Variants in NAALADL2 observed in about 807,000 individuals in gnomAD.
NAALADL2 encodes the protein N-acetylated alpha-linked acidic dipeptidase like 2, also known as inactive N-acetylated-alpha-linked acidic dipeptidase-like protein 2.
Under a neutral mutation model 87.2 loss-of-function variants are expected in NAALADL2, and 76 were observed. The ratio of observed to expected loss-of-function variants is 0.87; its 90% CI spans 0.72 to 1.05. NAALADL2 has a LOEUF of 1.05. Among genes scored for constraint, NAALADL2 ranks in the 50% least tolerant of loss-of-function variants. NAALADL2 has a pLI of 0.00. For missense variants in NAALADL2, 1,089 were observed against 945.8 expected (o/e 1.15, Z -1.99); for synonymous variants, 354 against 331.0 (o/e 1.07, Z -0.75).
chr3:175,290,032 A>G (rs6771601), intron 4 of NAALADL2, among the ~76,000 whole-genome samples: 115,253 of 152,118 alleles, frequency 0.76, 44,229 homozygotes, highest in Non-Finnish European at 0.79. Context: ...AGACATCACT[A>G]TAAATCTATC....
chr3:174,733,383 G>A (rs187318885), intron 2 of NAALADL2, among the ~76,000 whole-genome samples: 5 of 152,294 alleles, frequency 3.3e-5, no homozygotes, highest in Admixed American at 1.3e-4. Context: ...TCAGTCAAAG[G>A]CATTATGTTA....
At chr3:175,179,094 C>G (rs1239784799) in intron 2 of NAALADL2, among the ~76,000 whole-genome samples, 1 of 151,968 alleles carries the variant, frequency 6.6e-6, no homozygotes, top group Admixed American at 6.6e-5. Context: ...TTACATTTTT[C>G]TTGAGAGCTT....
chr3:174,514,716 C>A (rs1719814813), intron 1 of NAALADL2, among the ~76,000 whole-genome samples: 1 of 151,746 alleles, frequency 6.6e-6, no homozygotes, highest in South Asian at 2.1e-4. Context: ...AAATTTTTTT[C>A]TATTTTTCTT....
At chr3:175,754,791 C>T (rs1467184258) in intron 12 of NAALADL2, among the ~76,000 whole-genome samples, 1 of 152,150 alleles carries the variant, frequency 6.6e-6, no homozygotes, top group East Asian at 1.9e-4. Context: ...TAGTTCTCAG[C>T]TTCTATGAAA....
chr3:174,800,243 G>A (rs9820862), intron 3 of NAALADL2, among the ~76,000 whole-genome samples: 29,853 of 151,978 alleles, frequency 0.2, 3,096 homozygotes, highest in East Asian at 0.34. Context: ...GGGCATCACA[G>A]GTCCTGAGAC....
At chr3:175,667,241 A>AAGAGAAAGAAAG (rs1182682303) in intron 11 of NAALADL2, among the ~76,000 whole-genome samples, 10 of 91,716 alleles carry the variant, frequency 1.1e-4, no homozygotes, top group African/African-American at 5.1e-4. Flanking sequence ...GAAAGAAAGA[A>AAGAGAAAGAAAG]AAAGAAAGAA....
intron 1 of NAALADL2, among the ~76,000 whole-genome samples, chr3:175,058,384 G>T (rs531636427): frequency 6.6e-6 from 1 of 152,204 alleles, no homozygotes; most frequent in East Asian, 1.9e-4. Context: ...GCTAGGCCCT[G>T]GGCTCGGTGC....
At chr3:175,743,993 C>G (rs1174422710) in intron 12 of NAALADL2, among the ~76,000 whole-genome samples, 1 of 152,102 alleles carries the variant, frequency 6.6e-6, no homozygotes, top group African/African-American at 2.4e-5. Context: ...TCTAGAAGCA[C>G]CTCACATTAT....
At chr3:175,011,317 AGAG>A (rs1749792537) in intron 1 of NAALADL2, among the ~76,000 whole-genome samples, 1 of 149,730 alleles carries the variant, frequency 6.7e-6, no homozygotes, top group African/African-American at 2.5e-5. Flanking sequence ...AGAGAGAGAG[AGAG>A]ACTAATTCTG....
intron 1 of NAALADL2, among the ~76,000 whole-genome samples, chr3:174,510,299 G>T (rs921960697): frequency 6.6e-6 from 1 of 151,872 alleles, no homozygotes; most frequent in Non-Finnish European, 1.5e-5. Flanking sequence ...AGTTTATGTT[G>T]AATCAATTTA....
intron 5 of NAALADL2, among the ~76,000 whole-genome samples, chr3:175,378,292 C>T (rs1360624005): frequency 1.3e-5 from 2 of 152,354 alleles, no homozygotes; most frequent in African/African-American, 2.4e-5. Flanking sequence ...TCTGCTCCTG[C>T]ACTCCAGTTC....
intron 9 of NAALADL2, among the ~76,000 whole-genome samples, chr3:175,563,831 G>T (rs1273374636): frequency 7.9e-5 from 12 of 152,100 alleles, no homozygotes; most frequent in Admixed American, 6.5e-4. Flanking sequence ...TTAGCATTGG[G>T]GTGTGAGCTA....
At chr3:174,877,248 T>C (rs1028554291) in intron 1 of NAALADL2, among the ~76,000 whole-genome samples, 2 of 152,152 alleles carry the variant, frequency 1.3e-5, no homozygotes, top group Non-Finnish European at 2.9e-5. Flanking sequence ...TCATATATTT[T>C]ACATCTATGT....
chr3:175,091,640 G>A (rs910783062), intron 1 of NAALADL2, among the ~76,000 whole-genome samples: 1 of 151,896 alleles, frequency 6.6e-6, no homozygotes, highest in African/African-American at 2.4e-5. Flanking sequence ...GATAAACATG[G>A]TGTTCTACAA....
chr3:174,633,233 A>C (rs1722321779), intron 2 of NAALADL2, among the ~76,000 whole-genome samples: 1 of 152,112 alleles, frequency 6.6e-6, no homozygotes, highest in Non-Finnish European at 1.5e-5. Flanking sequence ...CTTGTTTCAG[A>C]TACATTTATG....
chr3:175,202,802 T>C (rs190500976), intron 2 of NAALADL2, among the ~76,000 whole-genome samples: 1 of 152,104 alleles, frequency 6.6e-6, no homozygotes, highest in African/African-American at 2.4e-5. Context: ...GTGGCTGCTC[T>C]GGGGGATGGG....
chr3:175,516,871 G>A (rs1731913274), intron 9 of NAALADL2, among the ~76,000 whole-genome samples: 1 of 152,084 alleles, frequency 6.6e-6, no homozygotes. Flanking sequence ...TTGTTTTTAA[G>A]TAATTTTCTT....
chr3:175,342,009 T>G (rs1039578509), intron 5 of NAALADL2, among the ~76,000 whole-genome samples: 2 of 152,142 alleles, frequency 1.3e-5, no homozygotes, highest in Non-Finnish European at 2.9e-5. Context: ...TATGTATTAT[T>G]TCTATTCATA....
At chr3:175,039,321 G>T (rs9837135) in intron 1 of NAALADL2, among the ~76,000 whole-genome samples, 31,417 of 151,898 alleles carry the variant, frequency 0.21, 3,407 homozygotes, top group East Asian at 0.38. Context: ...CATGTGCCAC[G>T]ACGCCTGGCT....
Sources: gnomAD v4.1 joint callset for allele counts (sites outside exome capture counted in the v4.1 genomes callset) on GRCh38, gnomAD v4.1.1 for gene constraint, MANE v1.5 for transcripts, NCBI Gene and HGNC (gene_info 2026-07-23, HGNC 2026-07-21) for gene names.